Variants in PLCB1 observed in about 807,000 individuals in gnomAD.
PLCB1 encodes 1-phosphatidylinositol 4,5-bisphosphate phosphodiesterase beta-1.
In PLCB1, 46 loss-of-function variants were observed where a neutral mutation model predicts 161.8. The ratio of observed to expected loss-of-function variants is 0.28; its 90% CI spans 0.22 to 0.36. The LOEUF is 0.36. Ranked by LOEUF, PLCB1 falls within the 10% of genes least tolerant of loss-of-function variation. PLCB1 has a pLI of 1.00. For missense variants in PLCB1, 1,016 were observed against 1,472.5 expected, an observed-to-expected ratio of 0.69 and a Z score of 5.07; for synonymous variants, 517 against 503.7, an observed-to-expected ratio of 1.03 and a Z score of -0.35.
chr20:8,456,613 A>T (rs2122669027), intron 3 of PLCB1, among the ~76,000 whole-genome samples: 1 of 152,362 alleles, frequency 6.6e-6, no homozygotes, highest in Non-Finnish European at 1.5e-5. Context: ...TTTAGCACAT[A>T]TAAAAAAGGA....
chr20:8,430,049 A>G (rs995964061), intron 3 of PLCB1, among the ~76,000 whole-genome samples: 5 of 152,034 alleles, frequency 3.3e-5, no homozygotes, highest in African/African-American at 9.7e-5. Flanking sequence ...TATTCCAGGT[A>G]GAGACAATGG....
chr20:8,385,203 G>A (rs1320597079), intron 3 of PLCB1, among the ~76,000 whole-genome samples: 1 of 152,160 alleles, frequency 6.6e-6, no homozygotes, highest in Non-Finnish European at 1.5e-5. Flanking sequence ...GGAAGATCAG[G>A]GTTCTTTCCC....
intron 9 of PLCB1, among the ~76,000 whole-genome samples, chr20:8,677,698 G>A (rs773035214): frequency 6.6e-6 from 1 of 152,026 alleles, no homozygotes; most frequent in Non-Finnish European, 1.5e-5. Flanking sequence ...CCTCTTAACA[G>A]AGCTAAAAGA....
chr20:8,143,507 C>T (rs899526455), intron 1 of PLCB1, among the ~76,000 whole-genome samples: 3 of 152,160 alleles, frequency 2.0e-5, no homozygotes, highest in South Asian at 2.1e-4. Context: ...GCCCTTATTG[C>T]GGAGACAGAT....
intron 2 of PLCB1, among the ~76,000 whole-genome samples, chr20:8,278,034 T>G (rs533447244): frequency 5.9e-4 from 89 of 152,068 alleles, no homozygotes; most frequent in African/African-American, 2.1e-3. Context: ...TACAGAAATG[T>G]TCATTGCAGA....
rs535670023 is a variant in PLCB1 at position 8,399,272 on chromosome 20, A to G, written c.246+27822A>G. On this transcript the variant is annotated intron_variant, in intron 3 of 31. Coordinates refer to ENST00000338037, the MANE Select transcript of PLCB1 (RefSeq NM_015192.4). ...CCTGGTATCTAGGTGTTCCAATAAC[A>G]TTTATTTAAAAGTCCAATTGTATAT... Among the ~76,000 whole-genome samples the G allele has an allele frequency of 1.8e-3, 281 of 151,996 alleles. 1 individual carries two copies. Among genetic ancestry groups the G allele is most frequent in the African/African-American group, 6.4e-3 (266 of 41,464 alleles).
intron 3 of PLCB1, among the ~76,000 whole-genome samples, chr20:8,593,099 T>C (rs1383368028): frequency 6.6e-6 from 1 of 152,086 alleles, no homozygotes; most frequent in African/African-American, 2.4e-5. Flanking sequence ...GCTGAGTAAG[T>C]AGTATAGCCC....
intron 9 of PLCB1, among the ~76,000 whole-genome samples, chr20:8,665,743 A>G (rs2123346544): frequency 6.6e-6 from 1 of 152,334 alleles, no homozygotes; most frequent in Non-Finnish European, 1.5e-5. Flanking sequence ...TTTACTAGGT[A>G]GAAGTTATAA....
intron 27 of PLCB1, among the ~76,000 whole-genome samples, chr20:8,779,825 C>T (rs1983125252): frequency 6.6e-6 from 1 of 152,198 alleles, no homozygotes. Flanking sequence ...CTCTTTACAG[C>T]TTGTCATCAA....
chr20:8,329,705 A>G (rs1482129187), intron 2 of PLCB1, among the ~76,000 whole-genome samples: 2 of 152,188 alleles, frequency 1.3e-5, no homozygotes, highest in African/African-American at 4.8e-5. Flanking sequence ...GAAGCTTTTC[A>G]GCATTGCTCT....
At chr20:8,480,313 C>CG (rs1600097836) in intron 3 of PLCB1, among the ~76,000 whole-genome samples, 3 of 70,316 alleles carry the variant, frequency 4.3e-5, no homozygotes, top group East Asian at 8.4e-4. Flanking sequence ...GAGAGAAAAA[C>CG]AACAGATTTG....
chr20:8,839,920 A>C (rs532984459), intron 31 of PLCB1, among the ~76,000 whole-genome samples: 1 of 151,728 alleles, frequency 6.6e-6, no homozygotes, highest in African/African-American at 2.4e-5. Flanking sequence ...AGTCCTAGCT[A>C]TTTGGGAGGC....
At chr20:8,363,595 T>C (rs1986612187) in intron 2 of PLCB1, among the ~76,000 whole-genome samples, 1 of 152,190 alleles carries the variant, frequency 6.6e-6, no homozygotes, top group African/African-American at 2.4e-5. Flanking sequence ...TCTTGCTGTA[T>C]TACATAACAT....
intron 3 of PLCB1, among the ~76,000 whole-genome samples, chr20:8,623,036 A>G (rs951618132): frequency 6.6e-6 from 1 of 152,030 alleles, no homozygotes; most frequent in African/African-American, 2.4e-5. Flanking sequence ...TGCTTCTTCT[A>G]TGGTCAGCCT....
chr20:8,320,412 G>C (rs775821622), intron 2 of PLCB1, among the ~76,000 whole-genome samples: 1 of 152,148 alleles, frequency 6.6e-6, no homozygotes, highest in African/African-American at 2.4e-5. Flanking sequence ...CTATTTTGGA[G>C]ATGAGGAAAT....
At chr20:8,669,566 C>T (rs1334611025) in intron 9 of PLCB1, among the ~76,000 whole-genome samples, 1 of 152,154 alleles carries the variant, frequency 6.6e-6, no homozygotes, top group Non-Finnish European at 1.5e-5. Context: ...TTTTTTGAGT[C>T]TTGCTACCTG....
At chr20:8,159,640 T>C (rs1270632317) in intron 2 of PLCB1, among the ~76,000 whole-genome samples, 1 of 152,164 alleles carries the variant, frequency 6.6e-6, no homozygotes, top group East Asian at 1.9e-4. Flanking sequence ...CTTATAAAAC[T>C]GAATATCTTT....
chr20:8,652,722 T>C (rs955131201), intron 7 of PLCB1: 1 of 152,122 alleles, frequency 6.6e-6, no homozygotes, highest in Non-Finnish European at 1.5e-5. Context: ...GAGATTTCTT[T>C]TTAAAACATG....
At chr20:8,748,109 A>G (rs1041103031) in intron 23 of PLCB1, among the ~76,000 whole-genome samples, 2 of 152,264 alleles carry the variant, frequency 1.3e-5, no homozygotes, top group African/African-American at 4.8e-5. Context: ...ATATTAATTT[A>G]TAGAAACAAT....
Sources: allele counts gnomAD v4.1 joint callset (sites outside exome capture counted in the v4.1 genomes callset), GRCh38; gene constraint gnomAD v4.1.1; transcripts MANE v1.5; gene names NCBI Gene and HGNC (gene_info 2026-07-23, HGNC 2026-07-21).